Variants in NLRP2 observed in about 807,000 individuals in gnomAD.
NLRP2 encodes NACHT, LRR and PYD domains-containing protein 2.
A neutral mutation model predicts 97.2 loss-of-function variants in NLRP2; 107 were observed. The ratio of observed to expected loss-of-function variants is 1.10; its 90% CI spans 0.94 to 1.29. The LOEUF is 1.29. NLRP2 is among the 50% of genes most tolerant of loss of function. The pLI is 0.00. For synonymous variants in NLRP2, 663 were observed against 551.5 expected (o/e 1.20, Z -2.83); for missense variants, 1,495 against 1,330.3 (o/e 1.12, Z -1.93).
chr19:54,985,279 A>G (rs568797750), intron 7 of NLRP2, 62 bp downstream of exon 7: 24 of 1,484,222 alleles, frequency 1.6e-5, no homozygotes, highest in Admixed American at 1.0e-4. Context: ...CAATGTTAAC[A>G]TCGGAGCAAT....
intron 8 of NLRP2, among the ~76,000 whole-genome samples, chr19:54,987,056 T>G (rs1264743388): frequency 6.6e-6 from 1 of 151,354 alleles, no homozygotes; most frequent in African/African-American, 2.4e-5. Flanking sequence ...GGTTAATTTT[T>G]GTATTATTAG....
intron 1 of NLRP2, among the ~76,000 whole-genome samples, chr19:54,969,463 G>A (rs958910019): frequency 7.3e-6 from 1 of 137,800 alleles, no homozygotes; most frequent in African/African-American, 2.7e-5. Flanking sequence ...GGGTGACAAA[G>A]TGAGACTCCG....
intron 6 of NLRP2, among the ~76,000 whole-genome samples, chr19:54,984,329 G>GTGTGTGTTTTTTTTTTTTTTTT: frequency 4.9e-4 from 39 of 79,666 alleles, no homozygotes; most frequent in African/African-American, 1.2e-3. Context: ...TTTTTTTTGT[G>GTGTGTGTTTTTTTTTTTTTTTT]TTTTTTTTTT....
intron 8 of NLRP2, among the ~76,000 whole-genome samples, chr19:54,989,160 G>T (rs1456864490): frequency 6.6e-6 from 1 of 151,550 alleles, no homozygotes; most frequent in Non-Finnish European, 1.5e-5. Context: ...GTTTCACCAT[G>T]TTGGCCAGGA....
At chr19:54,989,664 G>A (rs755896352) in intron 8 of NLRP2, 3 of 382,974 alleles carry the variant, frequency 7.8e-6, no homozygotes, top group Non-Finnish European at 1.5e-5. Flanking sequence ...GTAAACCAAA[G>A]ACGATTCCAC....
chr19:55,001,121 G>A lies in NLRP2; in HGVS notation c.*223G>A. 1 of 509,408 alleles carries A rather than the reference G, an allele frequency of 2.0e-6. No individual in the cohort carries two copies. The highest frequency in any genetic ancestry group is 3.5e-6 in the Non-Finnish European group (1 of 283,124). The allele number at this position is 509,408 out of a possible 1,614,324, so 31.6% of individuals were successfully genotyped here. A position where few individuals can be genotyped will look rare whatever the true frequency, so the allele number is the denominator to read the frequency against. Reference sequence around the variant, plus strand: ...TCACGGGTATATTGAGAGAAATAAAGGTGAGAGCATTCACAAATGAAGCTG... The same window carrying A: ...TCACGGGTATATTGAGAGAAATAAAAGTGAGAGCATTCACAAATGAAGCTG... On this transcript the variant is annotated 3_prime_UTR_variant, in exon 13 of 13. Transcript: ENST00000448584.
Position 54,985,159 on chromosome 19 carries a change from C to CTA in NLRP2, c.2144_2145dup (p.Val716Ter). 1 of 1,614,082 alleles carries CTA rather than the reference C, an allele frequency of 6.2e-7. No homozygotes were observed. The highest frequency in any genetic ancestry group is 8.5e-7 in the Non-Finnish European group (1 of 1,179,996). On this transcript the variant is annotated frameshift_variant, in exon 7 of 13. Transcript: ENST00000448584. LOFTEE classifies it high-confidence loss of function. ...CAATGATAGCTTTCTCAGTGCCTCC[C>CTA]TAGTAAGGATCCTGTGTGAACAAAT...
chr19:54,989,935 G>C (rs2072345975), intron 8 of NLRP2, 87 bp from the exon 9 acceptor site: 1 of 1,462,140 alleles, frequency 6.8e-7, no homozygotes, highest in Non-Finnish European at 9.5e-7. Context: ...AGGTTGCTGT[G>C]AGCCGAGATT....
upstream of NLRP2, among the ~76,000 whole-genome samples, chr19:54,965,528 T>C (rs2146303968): frequency 3.1e-5 from 3 of 97,058 alleles, 1 homozygote; most frequent in African/African-American, 1.3e-4. Context: ...CGATCTCTGC[T>C]CACTGCAAGC....
Position 54,983,627 on chromosome 19 carries a change from C to A in NLRP2, c.1929C>A (p.Cys643Ter). 6.2e-7 allele frequency: 1 copy of A among 1,614,120 alleles called. No homozygotes were observed. Among genetic ancestry groups the A allele is most frequent in the Non-Finnish European group, 8.5e-7 (1 of 1,180,028 alleles). ...TAGACGTTGTGCCATCTTCATTCTG[C>A]GTCAAGCACTGTCGAAACCTGCAGA... ...NAVDVVPSSF[C>*]VKHCRNLQKM... Residue 643 changes from cysteine to a stop codon, truncating the protein, a stop_gained, in exon 6 of 13, where the codon TGC becomes TGA. Transcript: ENST00000448584. LOFTEE classifies it high-confidence loss of function.
chr19:55,001,100 G>T lies in NLRP2; in HGVS notation c.*202G>T. The T allele has an allele frequency of 1.8e-6, 1 of 553,976 alleles. No individual in the cohort carries two copies. Among genetic ancestry groups the T allele is most frequent in the Non-Finnish European group, 3.2e-6 (1 of 309,216 alleles). 34.3% of individuals were successfully genotyped at this position (553,976 alleles called of 1,614,324 possible). On this transcript the variant is annotated 3_prime_UTR_variant, in exon 13 of 13. Transcript: ENST00000448584. ...GTTACATATGAAATATCTGTATCACGGGTATATTGAGAGAAATAAAGGTGA... is the reference window on the plus strand; with the variant it reads ...GTTACATATGAAATATCTGTATCACTGGTATATTGAGAGAAATAAAGGTGA...
intron 4 of NLRP2, among the ~76,000 whole-genome samples, chr19:54,979,460 C>G (rs962063781): frequency 1.1e-4 from 17 of 152,102 alleles, no homozygotes; most frequent in African/African-American, 3.9e-4. Flanking sequence ...CTGCCTCAGC[C>G]TCCCGAGTAG....
chr19:54,992,400 A>AT (rs1266946770), intron 10 of NLRP2, among the ~76,000 whole-genome samples: 1 of 151,650 alleles, frequency 6.6e-6, no homozygotes, highest in African/African-American at 2.4e-5. Flanking sequence ...CACACCCACT[A>AT]TATCTAGGCC....
intron 4 of NLRP2, among the ~76,000 whole-genome samples, chr19:54,978,883 TTATG>T (rs1194975317): frequency 1.3e-5 from 2 of 151,960 alleles, no homozygotes; most frequent in Non-Finnish European, 2.9e-5. Context: ...ATAAATGTAT[TTATG>T]GTACATTGCT....
intron 6 of NLRP2, among the ~76,000 whole-genome samples, chr19:54,984,451 C>A (rs1368342075): frequency 8.7e-6 from 1 of 115,602 alleles, no homozygotes. Context: ...CTGAATATTT[C>A]TTATTGATAT....
rs539591883 is a variant in NLRP2, at chr19:54,975,512, C to T, written c.325+968C>T. Among the ~76,000 whole-genome samples, 5 of 141,312 alleles carry T rather than the reference C, an allele frequency of 3.5e-5. No homozygotes were observed. The South Asian group carries it at 7.4e-4, about 21-fold the overall frequency. 92.7% of individuals were successfully genotyped at this position (141,312 alleles called of 152,430 possible). On this transcript the variant is annotated intron_variant, in intron 3 of 12. Coordinates refer to ENST00000448584, the MANE Select transcript of NLRP2 (RefSeq NM_017852.5). ...TGTTGCCCAGGCTGGAGTGCAGTGGCGTGATCTCGGCTCACTGCAAGCTCC... is the reference window on the plus strand; with the variant it reads ...TGTTGCCCAGGCTGGAGTGCAGTGGTGTGATCTCGGCTCACTGCAAGCTCC...
chr19:54,970,439 G>A, intron 2 of NLRP2, 144 bp downstream of exon 2: 1 of 888,472 alleles, frequency 1.1e-6, no homozygotes, highest in South Asian at 1.4e-5. Flanking sequence ...CCACCTGAGG[G>A]TCAGGAGTTT....
intron 7 of NLRP2, among the ~76,000 whole-genome samples, chr19:54,985,628 A>G (rs576500875): frequency 6.7e-6 from 1 of 148,642 alleles, no homozygotes; most frequent in Non-Finnish European, 1.5e-5. Flanking sequence ...CAGTGAACCA[A>G]GATCCTGCCA....
At chr19:54,975,742 G>A (rs533047829) in intron 3 of NLRP2, among the ~76,000 whole-genome samples, 77 of 150,680 alleles carry the variant, frequency 5.1e-4, no homozygotes, top group African/African-American at 1.7e-3. Context: ...GTGAGCCACC[G>A]CGCCCGGCCC....
Sources: gnomAD v4.1 joint callset for allele counts (sites outside exome capture counted in the v4.1 genomes callset) on GRCh38, gnomAD v4.1.1 for gene constraint, MANE v1.5 for transcripts, NCBI Gene and HGNC (gene_info 2026-07-23, HGNC 2026-07-21) for gene names.